The following ARMC8 variants were observed in gnomAD, a reference collection of about 807,000 sequenced individuals.
ARMC8 encodes armadillo repeat containing 8, also known as armadillo repeat-containing protein 8.
In ARMC8, 20 loss-of-function variants were observed where a neutral mutation model predicts 99.3. The ratio of observed to expected loss-of-function variants is 0.20; its 90% CI spans 0.14 to 0.29. The LOEUF is 0.29. Among genes scored for constraint, ARMC8 ranks in the 10% least tolerant of loss-of-function variants. The pLI is 1.00. For missense variants in ARMC8, 569 were observed against 809.5 expected (o/e 0.70, Z 3.60); for synonymous variants, 263 against 278.3 (o/e 0.95, Z 0.55).
At chr3:138,214,757 A>G (rs1167724731) in intron 2 of ARMC8, among the ~76,000 whole-genome samples, 1 of 152,142 alleles carries the variant, frequency 6.6e-6, no homozygotes, top group African/African-American at 2.4e-5. Context: ...CCTGGGTTCA[A>G]GCAATTCTGC....
chr3:138,237,184 C>T (rs145266329), intron 7 of ARMC8, 125 bp from the exon 8 acceptor site: 2 of 779,710 alleles, frequency 2.6e-6, no homozygotes, highest in African/African-American at 3.5e-5. Flanking sequence ...ATTGTTATTT[C>T]TTTGAGGCCT....
At chr3:138,294,298 A>C (rs778046016) in intron 21 of ARMC8, among the ~76,000 whole-genome samples, 4 of 152,174 alleles carry the variant, frequency 2.6e-5, no homozygotes, top group African/African-American at 9.7e-5. Flanking sequence ...CTCTCCACCC[A>C]GGCTTGGAGG....
At chr3:138,246,240 C>A (rs1432654661) in intron 12 of ARMC8, 3 of 985,404 alleles carry the variant, frequency 3.0e-6, no homozygotes. Flanking sequence ...AAAATCAATG[C>A]AAAAAGCACA....
chr3:138,234,778 C>G (rs1195420295), intron 6 of ARMC8, among the ~76,000 whole-genome samples: 1 of 152,162 alleles, frequency 6.6e-6, no homozygotes, highest in Non-Finnish European at 1.5e-5. Context: ...GCCAACATAG[C>G]TTCTGGGCCC....
At chr3:138,244,867 A>G (rs2046809460) in intron 11 of ARMC8, among the ~76,000 whole-genome samples, 1 of 152,234 alleles carries the variant, frequency 6.6e-6, no homozygotes, top group Non-Finnish European at 1.5e-5. Flanking sequence ...TCACTTTTAA[A>G]TGGAAGCATA....
At chr3:138,192,424 C>A (rs751916522) in intron 1 of ARMC8, among the ~76,000 whole-genome samples, 1 of 151,356 alleles carries the variant, frequency 6.6e-6, no homozygotes, top group Non-Finnish European at 1.5e-5. Context: ...ACTACAGGTG[C>A]CCGCCACCAC....
At chr3:138,288,704 C>T (rs983011299) in intron 19 of ARMC8, among the ~76,000 whole-genome samples, 1 of 144,858 alleles carries the variant, frequency 6.9e-6, no homozygotes, top group Non-Finnish European at 1.5e-5. Context: ...ATGGCACGAT[C>T]TCAGCTCACT....
intron 15 of ARMC8, among the ~76,000 whole-genome samples, chr3:138,268,819 G>C (rs974402098): frequency 1.3e-5 from 2 of 152,196 alleles, no homozygotes; most frequent in East Asian, 3.9e-4. Context: ...AACCAAAGTG[G>C]GGGAGGGAAA....
rs938123392 is a variant in ARMC8 at position 138,296,313 on chromosome 3, C to G, written c.*421C>G. On this transcript the variant is annotated 3_prime_UTR_variant, in exon 22 of 22. Coordinates refer to ENST00000469044, the MANE Select transcript of ARMC8 (RefSeq NM_001363941.2). ...GAGGGATACCTCAGATTTTTCTTTTCTTATTTTGTGTGAAAATCTCTTTTC... is the reference window on the plus strand; with the variant it reads ...GAGGGATACCTCAGATTTTTCTTTTGTTATTTTGTGTGAAAATCTCTTTTC... The G allele has an allele frequency of 2.6e-5, 4 of 154,582 alleles. No individual in the cohort carries two copies. The highest frequency in any genetic ancestry group is 9.6e-5 in the African/African-American group (4 of 41,532). The allele number at this position is 154,582 out of a possible 1,614,324, so 9.6% of individuals were successfully genotyped here. A position where few individuals can be genotyped will look rare whatever the true frequency, so the allele number is the denominator to read the frequency against.
chr3:138,223,416 C>G lies in ARMC8; in HGVS notation c.222C>G (p.Thr74=). 1 of 1,614,074 alleles carries G rather than the reference C, an allele frequency of 6.2e-7. No individual in the cohort carries two copies. The highest frequency in any genetic ancestry group is 8.5e-7 in the Non-Finnish European group (1 of 1,180,000). The change falls in exon 4 of 22, where the codon ACC becomes ACG. Residue 74 remains threonine, a synonymous_variant. Coordinates refer to ENST00000469044, the MANE Select transcript of ARMC8 (RefSeq NM_001363941.2). ...TGTTGTACTTGCTTCAGCAAGAAACCTCAAGCACAGAGCTGAAAACTGAAT... is the reference window on the plus strand; with the variant it reads ...TGTTGTACTTGCTTCAGCAAGAAACGTCAAGCACAGAGCTGAAAACTGAAT... ...PRLLYLLQQE[T]SSTELKTECA...
At chr3:138,200,722 T>C (rs1365022169) in intron 1 of ARMC8, among the ~76,000 whole-genome samples, 1 of 152,092 alleles carries the variant, frequency 6.6e-6, no homozygotes, top group Admixed American at 6.5e-5. Flanking sequence ...TTTTCTCACC[T>C]CCACTTCCAT....
intron 18 of ARMC8, among the ~76,000 whole-genome samples, chr3:138,281,878 A>G (rs2049967844): frequency 6.6e-6 from 1 of 152,146 alleles, no homozygotes; most frequent in Admixed American, 6.5e-5. Flanking sequence ...TCTTCCCCCC[A>G]TGAATACCTT....
At chr3:138,207,146 CT>C (rs2044417111) in intron 1 of ARMC8, among the ~76,000 whole-genome samples, 1 of 152,226 alleles carries the variant, frequency 6.6e-6, no homozygotes, top group Admixed American at 6.5e-5. Flanking sequence ...GACATTGATT[CT>C]TTCTTTCCTT....
intron 1 of ARMC8, among the ~76,000 whole-genome samples, chr3:138,199,320 C>G (rs1028172460): frequency 6.6e-6 from 1 of 152,110 alleles, no homozygotes; most frequent in Non-Finnish European, 1.5e-5. Context: ...ACCAAAAAAG[C>G]CTACATCAAA....
chr3:138,255,363 C>T (rs535249293), intron 12 of ARMC8, among the ~76,000 whole-genome samples: 4 of 152,002 alleles, frequency 2.6e-5, no homozygotes, highest in Non-Finnish European at 4.4e-5. Flanking sequence ...CAACCACACC[C>T]GGCTAATTTT....
chr3:138,290,751 T>G (rs2050859399), intron 21 of ARMC8, 112 bp downstream of exon 21: 1 of 710,900 alleles, frequency 1.4e-6, no homozygotes, highest in African/African-American at 1.8e-5. Flanking sequence ...TTTAGATTCT[T>G]AGATTTTCTT....
At chr3:138,263,623 A>G in intron 12 of ARMC8, 116 bp from the exon 13 acceptor site, 2 of 937,958 alleles carry the variant, frequency 2.1e-6, no homozygotes, top group Admixed American at 1.7e-5. Context: ...AGAGGTAAAA[A>G]CTCTTGCCAA....
intron 1 of ARMC8, among the ~76,000 whole-genome samples, chr3:138,198,438 C>T (rs1022933789): frequency 1.3e-5 from 2 of 151,754 alleles, no homozygotes; most frequent in African/African-American, 4.8e-5. Context: ...GTCAGATCTC[C>T]AGACTCCCAC....
At chr3:138,255,209 T>TG (rs1431768432) in intron 12 of ARMC8, among the ~76,000 whole-genome samples, 38 of 147,258 alleles carry the variant, frequency 2.6e-4, no homozygotes, top group African/African-American at 8.7e-4. Flanking sequence ...TTTTTTTGTT[T>TG]TTTTTTTTTT....
Sources: gnomAD v4.1 joint callset for allele counts (sites outside exome capture counted in the v4.1 genomes callset) on GRCh38, gnomAD v4.1.1 for gene constraint, MANE v1.5 for transcripts, NCBI Gene and HGNC (gene_info 2026-07-23, HGNC 2026-07-21) for gene names.